COL4A2: variants seen among roughly 807,000 people sequenced by gnomAD.
COL4A2 encodes the protein collagen alpha-2(IV) chain.
A neutral mutation model predicts 200.2 loss-of-function variants in COL4A2; 99 were observed. The observed-to-expected ratio is 0.49, with a 90% CI of 0.42 to 0.58. The LOEUF (loss-of-function observed/expected upper bound fraction) is 0.58. Ranked by LOEUF, COL4A2 falls within the 20% of genes least tolerant of loss-of-function variation. COL4A2 has a pLI of 0.00. For synonymous variants in COL4A2, 897 were observed against 900.6 expected, an observed-to-expected ratio of 1.00 and a Z score of 0.07; for missense variants, 1,950 against 2,314.1, an observed-to-expected ratio of 0.84 and a Z score of 3.23.
chr13:110,396,393 C>T (rs781301884), intron 4 of COL4A2, among the ~76,000 whole-genome samples: 7 of 152,190 alleles, frequency 4.6e-5, no homozygotes, highest in Admixed American at 1.3e-4. Context: ...TGCAGGCTTG[C>T]GTTGGAAATG....
At chr13:110,317,282 GCA>G (rs763814866) in intron 3 of COL4A2, among the ~76,000 whole-genome samples, 110 of 150,158 alleles carry the variant, frequency 7.3e-4, no homozygotes, top group African/African-American at 2.2e-3. Flanking sequence ...ACACACAGAT[GCA>G]CACACACACG....
rs1307345030 is a variant in COL4A2, at chr13:110,341,112, C to G, written c.100-16360C>G. 4 of 152,276 alleles carry G rather than the reference C, an allele frequency of 2.6e-5. No homozygotes were observed. In the East Asian group the frequency reaches 5.8e-4, roughly 22 times the overall value. 9.4% of individuals were successfully genotyped at this position (152,276 alleles called of 1,614,324 possible). On this transcript the variant is annotated intron_variant, in intron 3 of 47. Transcript: ENST00000360467. The stretch of plus-strand genomic sequence containing the variant: ...AATCACGACAGAGAAGGGAAAGAAG[C>G]CCGCCCGCCACTTCCGGTGTTCACT...
At chr13:110,341,652 A>T (rs1239949421) in intron 3 of COL4A2, among the ~76,000 whole-genome samples, 1 of 152,204 alleles carries the variant, frequency 6.6e-6, no homozygotes, top group Non-Finnish European at 1.5e-5. Flanking sequence ...GCGTAAGGGG[A>T]TACCGGCTTT....
intron 40 of COL4A2, among the ~76,000 whole-genome samples, chr13:110,495,849 G>A (rs1018173643): frequency 2.0e-5 from 3 of 152,152 alleles, no homozygotes; most frequent in Non-Finnish European, 4.4e-5. Flanking sequence ...ACCCATACTT[G>A]GGTAGGAAAT....
At chr13:110,355,198 A>G (rs12184539) in intron 3 of COL4A2, among the ~76,000 whole-genome samples, 25,058 of 151,902 alleles carry the variant, frequency 0.16, 6,456 homozygotes, top group African/African-American at 0.55. Context: ...TAACTGTGTG[A>G]TAATAGGGAG....
In COL4A2 at chr13:110,506,420, C is replaced by A. The variant is rs1182910012; in HGVS notation, c.4408C>A (p.Pro1470Thr). 6.2e-7 allele frequency: 1 copy of A among 1,609,582 alleles called. No homozygotes were observed. The highest frequency in any genetic ancestry group is 8.5e-7 in the Non-Finnish European group (1 of 1,178,706). The part of the protein sequence containing the change: ...HQGPIGQEGA[P>T]GRPGSPGLPG... ...CTCTCTTTCTCGGGCTGCAGGTGCA[C>A]CAGGCCGTCCAGGGAGCCCGGGCCT... Residue 1470 changes from proline to threonine, a missense_variant, in exon 46 of 48, where the codon CCA becomes ACA. By Grantham distance (38) the Pro-to-Thr change is conservative (BLOSUM62 -1). Coordinates refer to ENST00000360467, the MANE Select transcript of COL4A2 (RefSeq NM_001846.4).
At chr13:110,489,981 TTCTCTC>T (rs1883233995) in intron 36 of COL4A2, among the ~76,000 whole-genome samples, 196 bp downstream of exon 36, 1 of 152,188 alleles carries the variant, frequency 6.6e-6, no homozygotes, top group South Asian at 2.1e-4. Context: ...CAGGAAGTCT[TTCTCTC>T]TCTCTGTCTC....
intron 4 of COL4A2, among the ~76,000 whole-genome samples, chr13:110,368,284 C>T (rs749799136): frequency 2.0e-4 from 30 of 152,186 alleles, no homozygotes; most frequent in Non-Finnish European, 3.5e-4. Context: ...GTAAAATTCA[C>T]AAAGGCCTCA....
At chr13:110,330,711 A>G (rs957858724) in intron 3 of COL4A2, among the ~76,000 whole-genome samples, 1 of 152,108 alleles carries the variant, frequency 6.6e-6, no homozygotes, top group Non-Finnish European at 1.5e-5. Context: ...GGCTGTATCT[A>G]CATGCAGCAG....
In COL4A2 at chr13:110,394,013, T is replaced by G. The variant is rs61963199; in HGVS notation, c.181-30721T>G. ...GGCCATACCCCCTGCCACTATATGA[T>G]GACTTTCTCCACCATATCTGTGTGC... On this transcript the variant is annotated intron_variant, in intron 4 of 47. Transcript: ENST00000360467. Among the ~76,000 whole-genome samples the G allele has an allele frequency of 2.5e-3, 383 of 152,304 alleles. 2 individuals are homozygous for G. The highest frequency in any genetic ancestry group is 8.8e-3 in the African/African-American group (364 of 41,560).
At chr13:110,324,608 C>T (rs779211688) in intron 3 of COL4A2, among the ~76,000 whole-genome samples, 5 of 152,192 alleles carry the variant, frequency 3.3e-5, no homozygotes, top group Non-Finnish European at 7.3e-5. Flanking sequence ...TTGGATCAGG[C>T]AGGTCTGGGG....
At chr13:110,404,667 TAAG>T (rs1879498811) in intron 4 of COL4A2, among the ~76,000 whole-genome samples, 1 of 151,974 alleles carries the variant, frequency 6.6e-6, no homozygotes, top group Non-Finnish European at 1.5e-5. Context: ...CAGTACTGAT[TAAG>T]AAGGAGTCCA....
At chr13:110,375,241 C>A (rs945664111) in intron 4 of COL4A2, among the ~76,000 whole-genome samples, 1 of 152,178 alleles carries the variant, frequency 6.6e-6, no homozygotes, top group Non-Finnish European at 1.5e-5. Flanking sequence ...TCCCCTTTGC[C>A]GTCGAATTCT....
At chr13:110,443,265 G>A (rs376724775) in intron 16 of COL4A2, among the ~76,000 whole-genome samples, 4 of 152,206 alleles carry the variant, frequency 2.6e-5, no homozygotes, top group South Asian at 2.1e-4. Flanking sequence ...GTGCTCCCTC[G>A]GCCACTGCAA....
chr13:110,402,743 C>T (rs1338962763), intron 4 of COL4A2, among the ~76,000 whole-genome samples: 2 of 152,274 alleles, frequency 1.3e-5, no homozygotes, highest in Non-Finnish European at 2.9e-5. Flanking sequence ...ACAACACTGC[C>T]CTTGTGGGGC....
chr13:110,309,044 C>T (rs1407704471), intron 3 of COL4A2, among the ~76,000 whole-genome samples: 1 of 152,160 alleles, frequency 6.6e-6, no homozygotes, highest in Non-Finnish European at 1.5e-5. Flanking sequence ...GGGAACGACC[C>T]CTCCCTCCTC....
chr13:110,465,735 A>G (rs1882215303), intron 25 of COL4A2, 129 bp downstream of exon 25: 8 of 941,000 alleles, frequency 8.5e-6, no homozygotes, highest in Non-Finnish European at 1.3e-5. Context: ...TCGCACGTAC[A>G]AGGGATGACC....
chr13:110,421,520 G>A (rs1167112083), intron 4 of COL4A2, among the ~76,000 whole-genome samples: 6 of 152,170 alleles, frequency 3.9e-5, no homozygotes, highest in Admixed American at 1.3e-4. Flanking sequence ...TGGTAAATCC[G>A]TAGAGACAGA....
intron 11 of COL4A2, among the ~76,000 whole-genome samples, chr13:110,434,160 A>G (rs1880785415): frequency 6.6e-6 from 1 of 152,148 alleles, no homozygotes; most frequent in South Asian, 2.1e-4. Context: ...CTCACGATCG[A>G]GGGCCAGCAC....
Sources: gnomAD v4.1 joint callset for allele counts (sites outside exome capture counted in the v4.1 genomes callset) on GRCh38, gnomAD v4.1.1 for gene constraint, MANE v1.5 for transcripts, NCBI Gene and HGNC (gene_info 2026-07-23, HGNC 2026-07-21) for gene names.